The following CYP2B6 variants were observed in gnomAD, a reference collection of about 807,000 sequenced individuals.
CYP2B6 encodes cytochrome P450 family 2 subfamily B member 6.
Under a neutral mutation model 43.4 loss-of-function variants are expected in CYP2B6, and 35 were observed. The observed-to-expected ratio is 0.81, with a 90% CI of 0.62 to 1.07. CYP2B6 has a LOEUF of 1.07. CYP2B6 is among the 50% of genes least tolerant of loss of function. CYP2B6 has a pLI of 0.00. For missense variants in CYP2B6, 624 were observed against 632.8 expected (o/e 0.99, Z 0.15); for synonymous variants, 239 against 239.2 (o/e 1.00, Z 0.01).
intron 1 of CYP2B6, among the ~76,000 whole-genome samples, chr19:41,002,798 C>A (rs1170194515): frequency 6.6e-6 from 1 of 152,106 alleles, no homozygotes; most frequent in African/African-American, 2.4e-5. Flanking sequence ...CAGCCTGCCT[C>A]AGCCTCCCAA....
At chr19:41,006,506 C>A (rs2144669927) in intron 3 of CYP2B6, among the ~76,000 whole-genome samples, 1 of 151,828 alleles carries the variant, frequency 6.6e-6, no homozygotes, top group Admixed American at 6.6e-5. Flanking sequence ...CTGCCCAGCC[C>A]CTATCCCTGG....
At chr19:41,013,772 A>G (rs1969320974) in intron 8 of CYP2B6, among the ~76,000 whole-genome samples, 1 of 152,220 alleles carries the variant, frequency 6.6e-6, no homozygotes, top group Non-Finnish European at 1.5e-5. Flanking sequence ...AGCAGAGTCT[A>G]TCTGAACAAA....
rs569376662 is a variant in CYP2B6, at chr19:41,017,803, A to G, written c.*976A>G. The stretch of plus-strand genomic sequence containing the variant: ...CCCTGTCAATCTGGTTTTTGTCACT[A>G]TGGACTTACCAATTCTGAATATTTC... On this transcript the variant is annotated 3_prime_UTR_variant, in exon 9 of 9. Coordinates refer to ENST00000324071, the MANE Select transcript of CYP2B6 (RefSeq NM_000767.5). The G allele has an allele frequency of 1.3e-5, 2 of 151,560 alleles. No homozygotes were observed. Among genetic ancestry groups the G allele is most frequent in the African/African-American group, 4.8e-5 (2 of 41,274 alleles). The allele number at this position is 151,560 out of a possible 1,614,324, so 9.4% of individuals were successfully genotyped here.
Position 41,007,252 on chromosome 19 carries a change from T to C in CYP2B6, c.645+187T>C. The C allele has an allele frequency of 2.3e-5, 14 of 620,712 alleles. No homozygotes were observed. In the South Asian group the frequency reaches 2.7e-4, roughly 12 times the overall value. 38.5% of individuals were successfully genotyped at this position (620,712 alleles called of 1,614,324 possible). ...GACGGTGAGACAGGGATAGAGACAC[T>C]GAGAGAGAGAATGAGGCGTGATGGG... On this transcript the variant is annotated intron_variant, in intron 4 of 8. Coordinates refer to ENST00000324071, the MANE Select transcript of CYP2B6 (RefSeq NM_000767.5).
At chr19:40,995,166 G>A (rs1968982341) in intron 1 of CYP2B6, among the ~76,000 whole-genome samples, 1 of 152,136 alleles carries the variant, frequency 6.6e-6, no homozygotes, top group South Asian at 2.1e-4. Context: ...AAGGATAAAA[G>A]ATAATGCTTT....
At chr19:41,006,458 C>A (rs1424733237) in intron 3 of CYP2B6, among the ~76,000 whole-genome samples, 2 of 150,886 alleles carry the variant, frequency 1.3e-5, no homozygotes, top group Non-Finnish European at 1.5e-5. Flanking sequence ...CCACCCAGGG[C>A]TTTTTAATTT....
At chr19:41,003,615 C>A (rs1325345061) in intron 1 of CYP2B6, among the ~76,000 whole-genome samples, 1 of 152,184 alleles carries the variant, frequency 6.6e-6, no homozygotes, top group African/African-American at 2.4e-5. Context: ...TCAGAGCAGA[C>A]CCTGGCTGGG....
intron 1 of CYP2B6, among the ~76,000 whole-genome samples, chr19:40,994,286 A>T (rs145282403): frequency 6.6e-4 from 100 of 152,284 alleles, no homozygotes; most frequent in African/African-American, 2.0e-3. Flanking sequence ...AGGAGAAAGA[A>T]CAGAGTAAGC....
At chr19:40,995,097 T>C (rs1308250701) in intron 1 of CYP2B6, among the ~76,000 whole-genome samples, 1 of 152,094 alleles carries the variant, frequency 6.6e-6, no homozygotes, top group Non-Finnish European at 1.5e-5. Flanking sequence ...CAGATTATAG[T>C]CCTATGGATT....
intron 1 of CYP2B6, among the ~76,000 whole-genome samples, chr19:40,996,252 A>C (rs890260577): frequency 1.3e-5 from 2 of 152,056 alleles, no homozygotes; most frequent in Non-Finnish European, 2.9e-5. Flanking sequence ...TTTAAAATTT[A>C]TATTACTACT....
intron 8 of CYP2B6, among the ~76,000 whole-genome samples, chr19:41,016,060 C>T (rs1286511073): frequency 2.6e-5 from 4 of 151,530 alleles, no homozygotes; most frequent in Admixed American, 6.6e-5. Flanking sequence ...TGGGTTTCAC[C>T]AACCCTTTGG....
chr19:41,005,080 G>A (rs942433044), intron 3 of CYP2B6, among the ~76,000 whole-genome samples: 14 of 152,070 alleles, frequency 9.2e-5, no homozygotes, highest in Admixed American at 4.6e-4. Flanking sequence ...TTAAGTAAAA[G>A]AAAAAAACTA....
At chr19:41,001,225 TAG>T (rs1294445526) in intron 1 of CYP2B6, among the ~76,000 whole-genome samples, 39 of 152,204 alleles carry the variant, frequency 2.6e-4, no homozygotes, top group Non-Finnish European at 3.4e-4. Flanking sequence ...GAAATTCTCA[TAG>T]AGTTTGATTA....
chr19:41,003,232 T>G lies in CYP2B6; in HGVS notation c.172-769T>G, dbSNP rs35658652. On this transcript the variant is annotated intron_variant, in intron 1 of 8. Transcript: ENST00000324071. The stretch of plus-strand genomic sequence containing the variant: ...CACCTTATCCACTGGAGATATCTTC[T>G]GAGACCCCCAGTGGATGCCTGAAAC... Among the ~76,000 whole-genome samples the G allele has an allele frequency of 2.7e-3, 416 of 152,186 alleles. 3 individuals are homozygous for G. Among genetic ancestry groups the G allele is most frequent in the African/African-American group, 9.2e-3 (382 of 41,470 alleles).
chr19:41,005,816 GCA>G (rs1330120311), intron 3 of CYP2B6, among the ~76,000 whole-genome samples: 76 of 151,834 alleles, frequency 5.0e-4, no homozygotes, highest in African/African-American at 1.7e-3. Flanking sequence ...ATAAAGAACG[GCA>G]GGGGGGAGAC....
intron 1 of CYP2B6, among the ~76,000 whole-genome samples, chr19:40,999,281 T>C (rs1407163583): frequency 1.3e-5 from 2 of 152,136 alleles, no homozygotes; most frequent in Non-Finnish European, 2.9e-5. Flanking sequence ...TGTTTTTTTC[T>C]TGTAAATTTG....
chr19:40,992,287 A>G (rs1968932122), intron 1 of CYP2B6, among the ~76,000 whole-genome samples: 1 of 151,962 alleles, frequency 6.6e-6, no homozygotes, highest in Admixed American at 6.6e-5. Flanking sequence ...ATTTAATTTA[A>G]TTAAACAATT....
Position 41,004,170 on chromosome 19 carries a change from G to T in CYP2B6, c.334+7G>T. The T allele has an allele frequency of 1.0e-6, 1 of 964,432 alleles. No individual in the cohort carries two copies. Among genetic ancestry groups the T allele is most frequent in the Non-Finnish European group, 1.5e-6 (1 of 669,092 alleles). 59.7% of individuals were successfully genotyped at this position (964,432 alleles called of 1,614,324 possible). A position where few individuals can be genotyped will look rare whatever the true frequency, so the allele number is the denominator to read the frequency against. ...CCATTCTTCCGGGGATATGGTGAGA[G>T]CCTCAGAGGCACTGGGAGGGGGCGG... On this transcript the variant is annotated splice_region_variant and intron_variant, in intron 2 of 8. Coordinates refer to ENST00000324071, the MANE Select transcript of CYP2B6 (RefSeq NM_000767.5).
chr19:40,998,119 C>T (rs1186130002), intron 1 of CYP2B6, among the ~76,000 whole-genome samples: 1 of 151,966 alleles, frequency 6.6e-6, no homozygotes, highest in African/African-American at 2.4e-5. Context: ...AAATCATCTG[C>T]AATGTGAGGA....
Sources: gnomAD v4.1 joint callset for allele counts (sites outside exome capture counted in the v4.1 genomes callset) on GRCh38, gnomAD v4.1.1 for gene constraint, MANE v1.5 for transcripts, NCBI Gene and HGNC (gene_info 2026-07-23, HGNC 2026-07-21) for gene names.